Variants in MACROD2 observed in about 807,000 individuals in gnomAD.
MACROD2 encodes mono-ADP ribosylhydrolase 2, also known as ADP-ribose glycohydrolase MACROD2.
MACROD2 carries 36 observed loss-of-function variants against 70.4 expected under a neutral mutation model. That is an observed-to-expected ratio of 0.51 (90% CI 0.39 to 0.68). MACROD2 has a LOEUF of 0.68. Among genes scored for constraint, MACROD2 ranks in the 30% least tolerant of loss-of-function variants. MACROD2 has a pLI of 0.00. For synonymous variants in MACROD2, 172 were observed against 178.8 expected (o/e 0.96, Z 0.30); for missense variants, 496 against 538.4 (o/e 0.92, Z 0.78).
chr20:15,271,741 A>G (rs2077348350), intron 6 of MACROD2, among the ~76,000 whole-genome samples: 2 of 152,174 alleles, frequency 1.3e-5, no homozygotes, highest in South Asian at 2.1e-4. Context: ...ACTCTTCCCT[A>G]TTCATCTATG....
intron 5 of MACROD2, among the ~76,000 whole-genome samples, chr20:14,930,161 CAA>C (rs61532850): frequency 1.9e-5 from 2 of 106,404 alleles, no homozygotes; most frequent in African/African-American, 3.4e-5. Flanking sequence ...GACTCCGTCT[CAA>C]AAAAAAAAAA....
intron 5 of MACROD2, among the ~76,000 whole-genome samples, chr20:14,709,802 A>G (rs1415910272): frequency 6.6e-6 from 1 of 152,198 alleles, no homozygotes; most frequent in Non-Finnish European, 1.5e-5. Context: ...TATTCTGACA[A>G]TTAGAAGTTT....
At chr20:15,818,513 G>T (rs986905363) in intron 8 of MACROD2, among the ~76,000 whole-genome samples, 5 of 152,124 alleles carry the variant, frequency 3.3e-5, no homozygotes, top group African/African-American at 1.2e-4. Flanking sequence ...ACAACCAGGG[G>T]TCACTTTCAC....
chr20:14,743,737 A>T (rs1450034020), intron 5 of MACROD2, among the ~76,000 whole-genome samples: 3 of 152,216 alleles, frequency 2.0e-5, no homozygotes, highest in African/African-American at 7.2e-5. Context: ...TCCATATCCT[A>T]ATTCCCAGAA....
chr20:15,812,224 G>T (rs1415750969), intron 8 of MACROD2, among the ~76,000 whole-genome samples: 1 of 152,136 alleles, frequency 6.6e-6, no homozygotes, highest in Non-Finnish European at 1.5e-5. Flanking sequence ...TACAAGGTGG[G>T]CTTCCAGCAA....
chr20:14,043,824 A>C (rs776705434), intron 2 of MACROD2, among the ~76,000 whole-genome samples: 3 of 152,134 alleles, frequency 2.0e-5, no homozygotes, highest in Non-Finnish European at 4.4e-5. Flanking sequence ...AGAAGGTCAG[A>C]GACATTACCT....
intron 17 of MACROD2, among the ~76,000 whole-genome samples, chr20:16,045,216 G>A (rs1480158702): frequency 5.3e-5 from 8 of 152,048 alleles, no homozygotes; most frequent in South Asian, 2.1e-4. Flanking sequence ...GGTTTGTTAC[G>A]TTGAATGAGC....
At chr20:15,165,182 ACGGTGGC>A in intron 5 of MACROD2, among the ~76,000 whole-genome samples, 1 of 152,330 alleles carries the variant, frequency 6.6e-6, no homozygotes, top group South Asian at 2.1e-4. Flanking sequence ...CCGGCTGGGT[ACGGTGGC>A]TTACGCCTGT....
chr20:15,082,667 T>C (rs1211949839), intron 5 of MACROD2, among the ~76,000 whole-genome samples: 2 of 152,044 alleles, frequency 1.3e-5, no homozygotes, highest in African/African-American at 4.8e-5. Flanking sequence ...ACTTCAATAG[T>C]CTTGTGATTC....
At chr20:14,676,109 A>ACAC (rs2070857798) in intron 4 of MACROD2, among the ~76,000 whole-genome samples, 1 of 152,152 alleles carries the variant, frequency 6.6e-6, no homozygotes, top group South Asian at 2.1e-4. Context: ...GGAGACTTTA[A>ACAC]CACCCCACTG....
intron 5 of MACROD2, among the ~76,000 whole-genome samples, chr20:14,736,973 A>G (rs2071673400): frequency 6.6e-6 from 1 of 152,206 alleles, no homozygotes; most frequent in Middle Eastern, 3.4e-3. Flanking sequence ...TTTAAAATAT[A>G]CTTTAAGTTC....
chr20:14,489,766 T>TTGGG (rs1253976894), intron 3 of MACROD2, among the ~76,000 whole-genome samples: 4 of 152,236 alleles, frequency 2.6e-5, no homozygotes, highest in African/African-American at 9.6e-5. Flanking sequence ...ACAGATAGTC[T>TTGGG]TGGGTGGGGT....
chr20:14,120,345 T>C (rs764782016), intron 3 of MACROD2, among the ~76,000 whole-genome samples: 2 of 151,180 alleles, frequency 1.3e-5, no homozygotes, highest in Non-Finnish European at 2.9e-5. Context: ...CCAGTCAGAA[T>C]GGTGATTATT....
rs1376004196 is a variant in MACROD2 at position 15,414,786 on chromosome 20, G to A, written c.541-16619G>A. On this transcript the variant is annotated intron_variant, in intron 6 of 17. Transcript: ENST00000684519. ...TGATATCATGAAAGTAGAGCCTGAA[G>A]TAGAATTATTTTCTATTTACTTGCT... Among the ~76,000 whole-genome samples, 6 of 152,348 alleles carry A rather than the reference G, an allele frequency of 3.9e-5. No homozygotes were observed. The East Asian group carries it at 5.8e-4, about 15-fold the overall frequency.
At chr20:14,382,907 G>A (rs761495384) in intron 3 of MACROD2, among the ~76,000 whole-genome samples, 4 of 151,684 alleles carry the variant, frequency 2.6e-5, no homozygotes, top group Admixed American at 1.3e-4. Flanking sequence ...TTTAACTGTC[G>A]TAAAAGAAAA....
At chr20:14,674,833 C>A (rs2070840055) in intron 4 of MACROD2, among the ~76,000 whole-genome samples, 1 of 152,182 alleles carries the variant, frequency 6.6e-6, no homozygotes, top group African/African-American at 2.4e-5. Context: ...TCTTGGGCTT[C>A]TGAGAGATAC....
chr20:15,957,130 A>G (rs1167282674), intron 12 of MACROD2, among the ~76,000 whole-genome samples: 1 of 152,140 alleles, frequency 6.6e-6, no homozygotes, highest in Admixed American at 6.6e-5. Flanking sequence ...TGATGATTAG[A>G]GTGAGGGTAG....
intron 6 of MACROD2, among the ~76,000 whole-genome samples, chr20:15,273,429 TATATATGAA>T (rs1238404074): frequency 6.6e-6 from 1 of 151,782 alleles, no homozygotes; most frequent in Non-Finnish European, 1.5e-5. Context: ...TATATATATA[TATATATGAA>T]GGATATATAC....
At chr20:14,588,446 T>C (rs1268678027) in intron 4 of MACROD2, among the ~76,000 whole-genome samples, 1 of 152,224 alleles carries the variant, frequency 6.6e-6, no homozygotes, top group East Asian at 1.9e-4. Context: ...TTTACTTTTA[T>C]AATTAGCTAC....
Sources: allele counts gnomAD v4.1 joint callset (sites outside exome capture counted in the v4.1 genomes callset), GRCh38; gene constraint gnomAD v4.1.1; transcripts MANE v1.5; gene names NCBI Gene and HGNC (gene_info 2026-07-23, HGNC 2026-07-21).